ALMS1: variants seen among roughly 807,000 people sequenced by gnomAD.
ALMS1 encodes the protein centrosome-associated protein ALMS1.
In ALMS1, 271 loss-of-function variants were observed where a neutral mutation model predicts 352.2. The observed-to-expected ratio is 0.77, with a 90% CI of 0.70 to 0.85. The LOEUF (loss-of-function observed/expected upper bound fraction) is 0.85, where lower values mean the gene tolerates loss of function less well. Ranked by LOEUF, ALMS1 falls within the 40% of genes least tolerant of loss-of-function variation. The pLI is 0.00. For missense variants in ALMS1, 5,445 were observed against 4,870.7 expected, an observed-to-expected ratio of 1.12 and a Z score of -3.51; for synonymous variants, 1,865 against 1,761.2, an observed-to-expected ratio of 1.06 and a Z score of -1.48.
intron 10 of ALMS1, among the ~76,000 whole-genome samples, chr2:73,499,214 G>A (rs1673170492): frequency 2.0e-5 from 3 of 151,930 alleles, no homozygotes; most frequent in African/African-American, 4.8e-5. Flanking sequence ...TTTTTCCTAT[G>A]GAATTGTTTG....
chr2:73,401,510 C>T (rs2103657950), intron 1 of ALMS1, among the ~76,000 whole-genome samples: 1 of 152,154 alleles, frequency 6.6e-6, no homozygotes, highest in South Asian at 2.1e-4. Flanking sequence ...ACTGTTTAAC[C>T]TCTTAAGTAT....
At chr2:73,391,641 T>C (rs1258726676) in intron 1 of ALMS1, among the ~76,000 whole-genome samples, 1 of 152,168 alleles carries the variant, frequency 6.6e-6, no homozygotes, top group African/African-American at 2.4e-5. Context: ...GTTCCTAGGG[T>C]AAAAACTATT....
intron 7 of ALMS1, among the ~76,000 whole-genome samples, chr2:73,442,381 T>A (rs200952690): frequency 1.1e-4 from 16 of 152,292 alleles, no homozygotes; most frequent in African/African-American, 3.8e-4. Flanking sequence ...CTGAGCAAAA[T>A]GAAACTTAGA....
chr2:73,555,992 C>A (rs570194353), intron 13 of ALMS1, among the ~76,000 whole-genome samples: 2 of 152,188 alleles, frequency 1.3e-5, no homozygotes, highest in African/African-American at 4.8e-5. Flanking sequence ...TAAAGAATTA[C>A]AAAACATCCT....
intron 9 of ALMS1, among the ~76,000 whole-genome samples, chr2:73,486,270 C>T (rs1380819488): frequency 1.3e-5 from 2 of 152,008 alleles, no homozygotes; most frequent in Non-Finnish European, 2.9e-5. Flanking sequence ...GAGAGAGGGG[C>T]ATTTTGTTTT....
intron 12 of ALMS1, among the ~76,000 whole-genome samples, chr2:73,544,503 TTAAAG>T (rs1375026271): frequency 1.3e-5 from 2 of 151,924 alleles, no homozygotes; most frequent in African/African-American, 2.4e-5. Flanking sequence ...ACCCTAAAAC[TTAAAG>T]TATAGTAAAA....
chr2:73,511,110 TA>T (rs1428685237), intron 10 of ALMS1, among the ~76,000 whole-genome samples: 1 of 152,200 alleles, frequency 6.6e-6, no homozygotes, highest in Admixed American at 6.5e-5. Context: ...CAGTCGATCT[TA>T]GCTTGCTGGA....
chr2:73,452,306 G>A lies in ALMS1; in HGVS notation c.5779G>A (p.Gly1927Ser), dbSNP rs1307233951. 6.2e-7 allele frequency: 1 copy of A among 1,614,086 alleles called. No individual in the cohort carries two copies. The highest frequency in any genetic ancestry group is 8.5e-7 in the Non-Finnish European group (1 of 1,179,990). Residue 1927 changes from glycine to serine, a missense_variant, in exon 8 of 23, where the codon GGT (glycine) becomes AGT (serine). Coordinates refer to ENST00000613296, the MANE Select transcript of ALMS1 (RefSeq NM_001378454.1). ...AAATGTTTTTGTTGTTCCTGGACAAGGTGACCGGAAGACTGAGATACCAAC... is the reference window on the plus strand; with the variant it reads ...AAATGTTTTTGTTGTTCCTGGACAAAGTGACCGGAAGACTGAGATACCAAC... ...ALNVFVVPGQ[G>S]DRKTEIPTVP...
chr2:73,480,300 C>A (rs1303038722), intron 9 of ALMS1, among the ~76,000 whole-genome samples: 1 of 151,672 alleles, frequency 6.6e-6, no homozygotes, highest in African/African-American at 2.4e-5. Flanking sequence ...TTGTTCAATT[C>A]CCACCTATGA....
At chr2:73,455,375 G>A in intron 9 of ALMS1, 80 bp downstream of exon 9, 1 of 1,569,094 alleles carries the variant, frequency 6.4e-7, no homozygotes, top group Non-Finnish European at 8.7e-7. Flanking sequence ...TTGGGCATCA[G>A]TTGAGTTGCT....
intron 17 of ALMS1, 30 bp from the exon 18 acceptor site, chr2:73,600,648 C>G: frequency 6.3e-7 from 1 of 1,596,064 alleles, no homozygotes; most frequent in South Asian, 1.1e-5. Flanking sequence ...CAAGGTTACT[C>G]CCAGAGACAC....
At chr2:73,596,783 C>G (rs1304390028) in intron 16 of ALMS1, among the ~76,000 whole-genome samples, 4 of 151,206 alleles carry the variant, frequency 2.6e-5, no homozygotes, top group Non-Finnish European at 4.4e-5. Flanking sequence ...CTAGATCTGT[C>G]CTTATATCAA....
intron 10 of ALMS1, among the ~76,000 whole-genome samples, chr2:73,514,668 A>C (rs1175751243): frequency 6.6e-6 from 1 of 152,182 alleles, no homozygotes; most frequent in Non-Finnish European, 1.5e-5. Flanking sequence ...AGTGTTCTGC[A>C]TTCTTTCTAG....
chr2:73,508,057 G>T (rs1673369176), intron 10 of ALMS1, among the ~76,000 whole-genome samples: 1 of 152,022 alleles, frequency 6.6e-6, no homozygotes, highest in South Asian at 2.1e-4. Flanking sequence ...TCAGGAGCAG[G>T]TTATTTAGTT....
At chr2:73,391,719 A>G (rs1381100551) in intron 1 of ALMS1, among the ~76,000 whole-genome samples, 1 of 152,160 alleles carries the variant, frequency 6.6e-6, no homozygotes, top group Non-Finnish European at 1.5e-5. Context: ...TAATGGTTTT[A>G]AATGTTTTTC....
chr2:73,452,541 A>G lies in ALMS1; in HGVS notation c.6014A>G (p.Asp2005Gly), dbSNP rs886056306. ...KLKISTVHIP[D>G]DQKTEFPAAT... ...AAGATTTCAACTGTGCATATACCAG[A>G]TGACCAGAAAACTGAGTTTCCAGCA... Residue 2005 changes from aspartate to glycine, a missense_variant, in exon 8 of 23, where the codon GAT becomes GGT. Asp to Gly is a moderately conservative substitution (Grantham distance 94, BLOSUM62 -1). Transcript: ENST00000613296. 1 of 1,614,088 alleles carries G rather than the reference A, an allele frequency of 6.2e-7. No homozygotes were observed. Among genetic ancestry groups the G allele is most frequent in the Non-Finnish European group, 8.5e-7 (1 of 1,179,992 alleles).
intron 12 of ALMS1, among the ~76,000 whole-genome samples, chr2:73,545,475 G>A (rs946022101): frequency 1.8e-4 from 27 of 152,162 alleles, no homozygotes; most frequent in Middle Eastern, 6.8e-3. Context: ...GCCACCGCAC[G>A]TGGTCATGGT....
chr2:73,574,305 G>A (rs1675006772), intron 16 of ALMS1, among the ~76,000 whole-genome samples: 2 of 152,058 alleles, frequency 1.3e-5, no homozygotes, highest in Admixed American at 1.3e-4. Context: ...TAACCCAAGA[G>A]GAAAATTTCA....
rs2103783086 is a variant in ALMS1 at position 73,451,053 on chromosome 2, T to C, written c.4526T>C (p.Val1509Ala). The change falls in exon 8 of 23, where the codon GTT becomes GCT. Residue 1509 changes from valine (V) to alanine (A), a missense_variant. Coordinates refer to ENST00000613296, the MANE Select transcript of ALMS1 (RefSeq NM_001378454.1). ...AAAGTTTCAGTTGCTCCTGGACCAG[T>C]TGGCCAGACAACTGGCGCACCAACT... ...SLKVSVAPGP[V>A]GQTTGAPTIT... The C allele has an allele frequency of 1.2e-6, 2 of 1,611,772 alleles. No homozygotes were observed. Among genetic ancestry groups the C allele is most frequent in the African/African-American group, 1.3e-5 (1 of 74,254 alleles).
Sources: allele counts gnomAD v4.1 joint callset (sites outside exome capture counted in the v4.1 genomes callset), GRCh38; gene constraint gnomAD v4.1.1; transcripts MANE v1.5; gene names NCBI Gene and HGNC (gene_info 2026-07-23, HGNC 2026-07-21).